BRWD1: variants seen among roughly 807,000 people sequenced by gnomAD.
BRWD1 encodes bromodomain and WD repeat-containing protein 1.
A neutral mutation model predicts 251.2 loss-of-function variants in BRWD1; 82 were observed. The observed-to-expected ratio is 0.33, with a 90% CI of 0.27 to 0.39. The LOEUF is 0.39. Among genes scored for constraint, BRWD1 ranks in the 10% least tolerant of loss-of-function variants. BRWD1 has a pLI of 1.00. For missense variants in BRWD1, 2,233 were observed against 2,711.6 expected (o/e 0.82, Z 3.92); for synonymous variants, 918 against 902.8 (o/e 1.02, Z -0.30).
intron 20 of BRWD1, 88 bp from the exon 21 acceptor site, chr21:39,247,920 G>C (rs2034253275): frequency 7.3e-7 from 1 of 1,369,426 alleles, no homozygotes; most frequent in Non-Finnish European, 9.6e-7. Flanking sequence ...GTTTCCAGAA[G>C]GATTTAAAGC....
Position 39,238,563 on chromosome 21 carries a change from C to A in BRWD1, c.2492G>T (p.Cys831Phe). The A allele has an allele frequency of 6.2e-7, 1 of 1,612,744 alleles. No homozygotes were observed. The highest frequency in any genetic ancestry group is 1.1e-5 in the South Asian group (1 of 90,944). The change falls in exon 22 of 41, where the codon TGT (cysteine) becomes TTT (phenylalanine). Residue 831 changes from cysteine (C) to phenylalanine (F), a missense_variant. This residue lies in a region of BRWD1 where 214 missense variants were observed against 222.0 expected (regional missense o/e 0.96). Transcript: ENST00000342449. The part of the protein sequence containing the change: ...SSSSVRHETS[C>F]DQSEGSGSSE... ...AGAACCAGAACCTTCACTCTGATCACAGGAAGTCTCCTAATTTGTGAAGGG... is the reference window on the plus strand; with the variant it reads ...AGAACCAGAACCTTCACTCTGATCAAAGGAAGTCTCCTAATTTGTGAAGGG...
At chr21:39,237,638 T>C (rs1045463727) in intron 22 of BRWD1, among the ~76,000 whole-genome samples, 1 of 152,164 alleles carries the variant, frequency 6.6e-6, no homozygotes, top group Non-Finnish European at 1.5e-5. Flanking sequence ...GAAGGTAGAA[T>C]AGTGGTTGCC....
At chr21:39,276,075 G>A in intron 12 of BRWD1, 98 bp downstream of exon 12, 1 of 1,066,914 alleles carries the variant, frequency 9.4e-7, no homozygotes, top group Non-Finnish European at 1.3e-6. Context: ...AATATAAAGG[G>A]AAAAAATACA....
At chr21:39,251,051 A>G (rs1462003898) in intron 19 of BRWD1, among the ~76,000 whole-genome samples, 162 bp from the exon 20 acceptor site, 1 of 152,236 alleles carries the variant, frequency 6.6e-6, no homozygotes, top group Non-Finnish European at 1.5e-5. Context: ...ATATGAATAT[A>G]AATAAAATCT....
intron 4 of BRWD1, among the ~76,000 whole-genome samples, chr21:39,307,369 TG>T (rs2036320466): frequency 6.6e-6 from 1 of 151,822 alleles, no homozygotes; most frequent in Non-Finnish European, 1.5e-5. Context: ...AACAAATAAA[TG>T]TAACTCAGTA....
chr21:39,299,050 C>G (rs1206445008), intron 4 of BRWD1, among the ~76,000 whole-genome samples: 1 of 151,884 alleles, frequency 6.6e-6, no homozygotes, highest in Non-Finnish European at 1.5e-5. Flanking sequence ...ATGGTGAAAC[C>G]CCATCTTTAC....
upstream of BRWD1, chr21:39,314,062 T>G: frequency 4.4e-6 from 2 of 455,900 alleles, no homozygotes; most frequent in South Asian, 3.1e-5. Context: ...GGTCGCCCGC[T>G]CCGGGTCGCT....
At chr21:39,240,509 A>C (rs2033951444) in intron 21 of BRWD1, among the ~76,000 whole-genome samples, 1 of 152,218 alleles carries the variant, frequency 6.6e-6, no homozygotes, top group Admixed American at 6.5e-5. Context: ...AAAAGAAAAA[A>C]TCAAATAAAT....
At chr21:39,201,910 C>A (rs1281661709) in intron 38 of BRWD1, among the ~76,000 whole-genome samples, 1 of 152,196 alleles carries the variant, frequency 6.6e-6, no homozygotes, top group African/African-American at 2.4e-5. Flanking sequence ...CACACCACAG[C>A]CTCATTTGTA....
chr21:39,202,293 GC>G, intron 38 of BRWD1, 31 bp downstream of exon 38: 4 of 1,542,670 alleles, frequency 2.6e-6, no homozygotes, highest in Non-Finnish European at 3.6e-6. Context: ...TGGGTGCTCA[GC>G]AAAGAAATAA....
At chr21:39,275,709 T>A (rs577614323) in intron 12 of BRWD1, among the ~76,000 whole-genome samples, 6 of 152,234 alleles carry the variant, frequency 3.9e-5, no homozygotes, top group Admixed American at 3.3e-4. Flanking sequence ...ACTTACTCCA[T>A]AAACATAGAC....
chr21:39,269,432 T>G (rs887568889), intron 15 of BRWD1, among the ~76,000 whole-genome samples: 4 of 151,820 alleles, frequency 2.6e-5, no homozygotes, highest in Admixed American at 2.6e-4. Flanking sequence ...CCTCCCAAAG[T>G]GTTAGGAGTT....
Position 39,191,135 on chromosome 21 carries a change from A to T in BRWD1, c.*5124T>A. The T allele has an allele frequency of 1.0e-6, 1 of 985,378 alleles. No individual in the cohort carries two copies. Among genetic ancestry groups the T allele is most frequent in the Non-Finnish European group, 1.2e-6 (1 of 829,910 alleles). 61.0% of individuals were successfully genotyped at this position (985,378 alleles called of 1,614,324 possible). ...CACACTAAATGCAGGCAGAATCAGA[A>T]GTAAATACTTGTTTTCAATCTACCC... On this transcript the variant is annotated 3_prime_UTR_variant, in exon 41 of 41. Transcript: ENST00000342449.
chr21:39,207,445 A>G (rs1437372224), intron 36 of BRWD1, among the ~76,000 whole-genome samples: 2 of 40,344 alleles, frequency 5.0e-5, no homozygotes, highest in Non-Finnish European at 4.9e-5. Context: ...AAAAGAAAAA[A>G]AAGAAAACAC....
chr21:39,226,126 A>G (rs2033372578), intron 27 of BRWD1, among the ~76,000 whole-genome samples: 2 of 152,224 alleles, frequency 1.3e-5, no homozygotes, highest in African/African-American at 4.8e-5. Flanking sequence ...TTAGATAAAA[A>G]TATTTCTTCA....
At chr21:39,313,397 G>A (rs2036587053) in intron 1 of BRWD1, 46 bp downstream of exon 1, 3 of 1,464,302 alleles carry the variant, frequency 2.0e-6, no homozygotes, top group Non-Finnish European at 2.7e-6. Context: ...GGAAGCCGAA[G>A]CAGCCGGGAG....
At chr21:39,279,819 C>A (rs979794236) in intron 9 of BRWD1, among the ~76,000 whole-genome samples, 1 of 152,002 alleles carries the variant, frequency 6.6e-6, no homozygotes, top group Non-Finnish European at 1.5e-5. Context: ...TATTAGACAG[C>A]ACAGGTATAC....
intron 1 of BRWD1, among the ~76,000 whole-genome samples, chr21:39,318,884 C>T (rs754766735): frequency 6.6e-6 from 1 of 152,126 alleles, no homozygotes; most frequent in Non-Finnish European, 1.5e-5. Flanking sequence ...TCTTCCTGGA[C>T]TTCTGTTGGA....
chr21:39,258,529 T>G lies in BRWD1; in HGVS notation c.2029A>C (p.Ile677Leu). The G allele has an allele frequency of 6.2e-7, 1 of 1,610,362 alleles. No individual in the cohort carries two copies. The change falls in exon 18 of 41, where the codon ATT becomes CTT. Residue 677 changes from isoleucine (I) to leucine (L), a missense_variant. Ile to Leu is a conservative substitution (Grantham distance 5, BLOSUM62 2). Transcript: ENST00000342449. Reference protein sequence around the residue: ...DQRMGADQDTIPRGLSNGEET... With the variant: ...DQRMGADQDTLPRGLSNGEET... Reference sequence around the variant, plus strand: ...TCACCATTTGAAAGTCCTCTTGGAATAGTATCCTGATCTGCTCCCATTCTC... The same window carrying G: ...TCACCATTTGAAAGTCCTCTTGGAAGAGTATCCTGATCTGCTCCCATTCTC...
Sources: allele counts gnomAD v4.1 joint callset (sites outside exome capture counted in the v4.1 genomes callset), GRCh38; gene constraint gnomAD v4.1.1; regional missense constraint gnomAD v4.1.1; transcripts MANE v1.5; gene names NCBI Gene and HGNC (gene_info 2026-07-23, HGNC 2026-07-21).